PDE7A: variants seen among roughly 807,000 people sequenced by gnomAD.
The protein encoded by PDE7A is high affinity 3',5'-cyclic-AMP phosphodiesterase 7A.
Under a neutral mutation model 64.3 loss-of-function variants are expected in PDE7A, and 39 were observed. The ratio of observed to expected loss-of-function variants is 0.61; its 90% CI spans 0.47 to 0.79. PDE7A has a LOEUF of 0.79. Ranked by LOEUF, PDE7A falls within the 30% of genes least tolerant of loss-of-function variation. The pLI is 0.00. For synonymous variants in PDE7A, 203 were observed against 206.8 expected (o/e 0.98, Z 0.16); for missense variants, 470 against 582.8 (o/e 0.81, Z 1.99).
At chr8:65,724,203 T>G (rs1806513454) in intron 11 of PDE7A, 52 bp downstream of exon 11, 1 of 1,166,444 alleles carries the variant, frequency 8.6e-7, no homozygotes, top group Non-Finnish European at 1.3e-6. Context: ...TCTTACGATG[T>G]TAAAAAAAAA....
chr8:65,831,119 G>T (rs1001465124), intron 1 of PDE7A, among the ~76,000 whole-genome samples: 2 of 151,960 alleles, frequency 1.3e-5, no homozygotes, highest in Non-Finnish European at 1.5e-5. Context: ...TGTGGGAGAA[G>T]GTACACAGTT....
In PDE7A at chr8:65,719,428, G is replaced by A. The variant is rs1038972503; in HGVS notation, c.1311C>T (p.Ser437=). ...EWARFSNTRL[S]QTMLGHVGLN... is the part of the protein sequence containing the mutation. ...GCCCCACGTGTCCAAGCATTGTCTG[G>A]GATAGCCTTGTATTGGAAAACCTGG... Residue 437 remains serine (S), a synonymous_variant, in exon 13 of 13, where the codon TCC becomes TCT. Transcript: ENST00000401827. 1.2e-6 allele frequency: 2 copies of A among 1,614,060 alleles called. No homozygotes were observed. The highest frequency in any genetic ancestry group is 2.2e-5 in the East Asian group (1 of 44,890).
chr8:65,729,058 A>G (rs1009280307), intron 7 of PDE7A, among the ~76,000 whole-genome samples: 3 of 152,198 alleles, frequency 2.0e-5, no homozygotes, highest in Non-Finnish European at 4.4e-5. Flanking sequence ...AAAGACAAGG[A>G]CTTCAATAAC....
chr8:65,747,760 T>G lies in PDE7A; in HGVS notation c.327A>C (p.Arg109Ser). ...GATATCGCTGGAAACTTAGTAGCCTTCTGATATTCCTTGCAGAGACAGACA... is the reference window on the plus strand; with the variant it reads ...GATATCGCTGGAAACTTAGTAGCCTGCTGATATTCCTTGCAGAGACAGACA... ...IEVSVSARNI[R>S]RLLSFQRYLR... Residue 109 changes from arginine (R) to serine (S), a missense_variant, in exon 4 of 13, where the codon AGA (arginine) becomes AGC (serine). Arg to Ser is a moderately radical substitution (Grantham distance 110). Transcript: ENST00000401827. 6.2e-7 allele frequency: 1 copy of G among 1,610,428 alleles called. No homozygotes were observed. Among genetic ancestry groups the G allele is most frequent in the Non-Finnish European group, 8.5e-7 (1 of 1,177,036 alleles).
chr8:65,747,941 T>C (rs1807757822), intron 3 of PDE7A, 138 bp from the exon 4 acceptor site: 6 of 490,412 alleles, frequency 1.2e-5, no homozygotes, highest in Non-Finnish European at 1.8e-5. Context: ...ATGAAAGAAG[T>C]GATACTTTAT....
intron 3 of PDE7A, among the ~76,000 whole-genome samples, chr8:65,755,572 TTA>T (rs1344168822): frequency 6.6e-6 from 1 of 152,254 alleles, no homozygotes; most frequent in Non-Finnish European, 1.5e-5. Flanking sequence ...AGTTACATCT[TTA>T]TATGTGTGTG....
intron 1 of PDE7A, among the ~76,000 whole-genome samples, chr8:65,826,956 C>A (rs1034478718): frequency 6.6e-6 from 1 of 152,158 alleles, no homozygotes; most frequent in Non-Finnish European, 1.5e-5. Flanking sequence ...ACATGATTTT[C>A]TTCCTTGAGT....
At chr8:65,754,016 G>C (rs1341842079) in intron 3 of PDE7A, among the ~76,000 whole-genome samples, 2 of 152,004 alleles carry the variant, frequency 1.3e-5, no homozygotes, top group Non-Finnish European at 2.9e-5. Context: ...CTCTAAAGGG[G>C]AGTTAAGTAT....
chr8:65,747,205 CAA>C (rs1807712127), intron 4 of PDE7A, among the ~76,000 whole-genome samples: 1 of 152,002 alleles, frequency 6.6e-6, no homozygotes. Context: ...CACACACACA[CAA>C]AAAAGAGAGA....
chr8:65,789,631 T>A (rs1809646608), intron 1 of PDE7A, among the ~76,000 whole-genome samples: 1 of 152,230 alleles, frequency 6.6e-6, no homozygotes. Context: ...AAGCACTAAC[T>A]GCAATCTAAC....
chr8:65,807,473 G>A (rs1810138613), intron 1 of PDE7A, among the ~76,000 whole-genome samples: 1 of 152,082 alleles, frequency 6.6e-6, no homozygotes, highest in Non-Finnish European at 1.5e-5. Context: ...TATCATCTAT[G>A]ACTAGAGATA....
At chr8:65,805,757 C>T (rs1030630828) in intron 1 of PDE7A, among the ~76,000 whole-genome samples, 3 of 150,172 alleles carry the variant, frequency 2.0e-5, no homozygotes, top group Admixed American at 6.6e-5. Flanking sequence ...GGCTTCTGTT[C>T]GTAAGTCCCT....
chr8:65,810,371 T>C (rs1370935452), intron 1 of PDE7A, among the ~76,000 whole-genome samples: 2 of 151,598 alleles, frequency 1.3e-5, no homozygotes, highest in Non-Finnish European at 2.9e-5. Context: ...GGGGGAGGGA[T>C]AGCATTAGAA....
At chr8:65,800,876 A>C (rs978144704) in intron 1 of PDE7A, among the ~76,000 whole-genome samples, 3 of 152,208 alleles carry the variant, frequency 2.0e-5, no homozygotes, top group Admixed American at 6.5e-5. Context: ...AACCCTCTCC[A>C]TCCCCTCATC....
chr8:65,745,454 A>G lies in PDE7A; in HGVS notation c.452T>C (p.Val151Ala). The G allele has an allele frequency of 6.4e-7, 1 of 1,567,760 alleles. No individual in the cohort carries two copies. Among genetic ancestry groups the G allele is most frequent in the Non-Finnish European group, 8.8e-7 (1 of 1,137,962 alleles). The change falls in exon 5 of 13, where the codon GTT becomes GCT. Residue 151 changes from valine (V) to alanine (A), a missense_variant. Physicochemically the swap from Val to Ala is moderately conservative, Grantham distance 64. Transcript: ENST00000401827. Reference protein sequence around the residue: ...NGQAKCMLEKVGNWNFDIFLF... With the variant: ...NGQAKCMLEKAGNWNFDIFLF... ...AAAGATATCAAAATTCCAATTTCCAACTTTTTCCAGCATACACTGAAATGA... is the reference window on the plus strand; with the variant it reads ...AAAGATATCAAAATTCCAATTTCCAGCTTTTTCCAGCATACACTGAAATGA...
At chr8:65,779,998 G>A (rs772099725) in intron 2 of PDE7A, among the ~76,000 whole-genome samples, 195 bp from the exon 3 acceptor site, 3 of 152,092 alleles carry the variant, frequency 2.0e-5, no homozygotes, top group Non-Finnish European at 2.9e-5. Context: ...AAGGCTGAAT[G>A]AGGAGGATTT....
chr8:65,836,961 C>T (rs1810964579), intron 1 of PDE7A, among the ~76,000 whole-genome samples: 1 of 152,204 alleles, frequency 6.6e-6, no homozygotes. Context: ...CACCTTCAGT[C>T]CTTGGCCTAA....
chr8:65,753,115 C>T (rs1289838761), intron 3 of PDE7A, among the ~76,000 whole-genome samples: 1 of 152,148 alleles, frequency 6.6e-6, no homozygotes, highest in East Asian at 1.9e-4. Context: ...TTCATCAGTT[C>T]TATGGCAGCA....
intron 6 of PDE7A, among the ~76,000 whole-genome samples, chr8:65,735,240 G>T (rs964698501): frequency 2.0e-5 from 3 of 152,166 alleles, no homozygotes; most frequent in Admixed American, 2.0e-4. Context: ...CGCCGAGTGA[G>T]CGGGACAGAC....
Sources: allele counts gnomAD v4.1 joint callset (sites outside exome capture counted in the v4.1 genomes callset), GRCh38; gene constraint gnomAD v4.1.1; transcripts MANE v1.5; gene names NCBI Gene and HGNC (gene_info 2026-07-23, HGNC 2026-07-21).